Variants in SERPINB3 observed in about 807,000 individuals in gnomAD.
SERPINB3 encodes the protein serpin B3.
Under a neutral mutation model 33.0 loss-of-function variants are expected in SERPINB3, and 33 were observed. The ratio of observed to expected loss-of-function variants is 1.00; its 90% CI spans 0.76 to 1.34. The LOEUF (loss-of-function observed/expected upper bound fraction) is 1.34, where lower values mean the gene tolerates loss of function less well. Ranked by LOEUF, SERPINB3 falls within the 40% of genes most tolerant of loss-of-function variation. SERPINB3 has a pLI of 0.00. For missense variants in SERPINB3, 518 were observed against 461.5 expected (o/e 1.12, Z -1.12); for synonymous variants, 200 against 170.9 (o/e 1.17, Z -1.33).
Position 63,657,308 on chromosome 18 carries a change from T to A in SERPINB3, c.574A>T (p.Lys192Ter), listed in dbSNP as rs559784597. ...FKGQWEKKFN[K>*]EDTKEEKFWP... ...AATTTTTCCTCTTTAGTATCTTCTT[T>A]ATTAAATTTCTTCTCCCACTGCCCT... Residue 192 changes from lysine (K) to a stop codon, truncating the protein, a stop_gained, in exon 6 of 8, where the codon AAA becomes TAA. Coordinates refer to ENST00000283752, the MANE Select transcript of SERPINB3 (RefSeq NM_006919.3). LOFTEE classifies it high-confidence loss of function. 1.3e-5 allele frequency: 21 copies of A among 1,605,568 alleles called. No homozygotes were observed. Among genetic ancestry groups the A allele is most frequent in the Middle Eastern group, 1.7e-4 (1 of 6,020 alleles).
In SERPINB3 at chr18:63,657,391, G is replaced by A. The variant is rs1158410137; in HGVS notation, c.491C>T (p.Pro164Leu). The change falls in exon 6 of 8, where the codon CCT (proline) becomes CTT (leucine). Residue 164 changes from proline (P) to leucine (L), a missense_variant. By Grantham distance (98) the Pro-to-Leu change is moderately conservative (BLOSUM62 -3). Transcript: ENST00000283752. ...QTNEKIKNLI[P>L]EGNIGSNTTL... is the part of the protein sequence containing the mutation. ...GGTATTGCTGCCAATATTACCTTCA[G>A]GAATTAGGTTTTTAATTTTTTCTGC... 1.2e-6 allele frequency: 2 copies of A among 1,601,902 alleles called. No individual in the cohort carries two copies. The highest frequency in any genetic ancestry group is 2.2e-5 in the East Asian group (1 of 44,702).
intron 2 of SERPINB3, 69 bp downstream of exon 2, chr18:63,660,983 C>G (rs1410320930): frequency 1.5e-5 from 24 of 1,609,332 alleles, no homozygotes; most frequent in Non-Finnish European, 2.0e-5. Context: ...CATCTATTAC[C>G]ATCTGCGTGC....
At position 63,655,451 on chromosome 18, in the gene SERPINB3, A is replaced by G. The variant is rs750220495; in HGVS notation, c.*206T>C. The G allele has an allele frequency of 1.9e-6, 1 of 533,538 alleles. No homozygotes were observed. Among genetic ancestry groups the G allele is most frequent in the African/African-American group, 1.9e-5 (1 of 52,722 alleles). 33.1% of individuals were successfully genotyped at this position (533,538 alleles called of 1,614,324 possible). A position where few individuals can be genotyped will look rare whatever the true frequency, so the allele number is the denominator to read the frequency against. ...TTTCCTCAAGGAGAATTTTTCTGGAAGAAAAAGTACATTTATATGTGGGCT... is the reference window on the plus strand; with the variant it reads ...TTTCCTCAAGGAGAATTTTTCTGGAGGAAAAAGTACATTTATATGTGGGCT... On this transcript the variant is annotated 3_prime_UTR_variant, in exon 8 of 8. Transcript: ENST00000283752.
chr18:63,661,023 C>A (rs1006070461), intron 2 of SERPINB3, 29 bp downstream of exon 2: 44 of 1,612,664 alleles, frequency 2.7e-5, no homozygotes, highest in Non-Finnish European at 3.5e-5. Flanking sequence ...AAAACTGCAA[C>A]AGGACAACAT....
At chr18:63,656,265 A>T (rs1427875634) in intron 7 of SERPINB3, among the ~76,000 whole-genome samples, 1 of 141,854 alleles carries the variant, frequency 7.0e-6, no homozygotes, top group Admixed American at 6.7e-5. Context: ...TATGTGTATA[A>T]ACAGAATCAA....
intron 7 of SERPINB3, 113 bp downstream of exon 7, chr18:63,656,718 A>C (rs187975415): frequency 6.5e-4 from 843 of 1,289,346 alleles, no homozygotes; most frequent in Non-Finnish European, 7.8e-4. Context: ...CCTCATTTAG[A>C]ATTTTTCATT....
At chr18:63,656,333 TA>T (rs1219595864) in intron 7 of SERPINB3, among the ~76,000 whole-genome samples, 4 of 152,340 alleles carry the variant, frequency 2.6e-5, no homozygotes, top group African/African-American at 9.6e-5. Flanking sequence ...GATACACATG[TA>T]AAAATATGAT....
chr18:63,658,003 C>G (rs976178082), intron 5 of SERPINB3, among the ~76,000 whole-genome samples: 10 of 152,000 alleles, frequency 6.6e-5, no homozygotes, highest in African/African-American at 1.4e-4. Context: ...ATTTGTTAAG[C>G]TCTTGCCCTT....
In SERPINB3 at chr18:63,659,425, C is replaced by T. The variant is rs371529315; in HGVS notation, c.325G>A (p.Gly109Arg). The T allele has an allele frequency of 2.5e-5, 40 of 1,613,326 alleles. No individual in the cohort carries two copies. The Admixed American group carries it at 2.5e-4, about 10-fold the overall frequency. The change falls in exon 4 of 8, where the codon GGA (glycine) becomes AGA (arginine). Residue 109 changes from glycine to arginine, a missense_variant. Transcript: ENST00000283752. Reference sequence around the variant, plus strand: ...TGTAAAAATAGATACGTTTTTTCTCCGAAGAGCTTGTTGGCGATCTTCAGC... The same window carrying T: ...TGTAAAAATAGATACGTTTTTTCTCTGAAGAGCTTGTTGGCGATCTTCAGC... ...YELKIANKLF[G>R]EKTYLFLQEY... is the part of the protein sequence containing the mutation.
At position 63,660,856 on chromosome 18, in the gene SERPINB3, C is replaced by A. The variant is rs773509000; in HGVS notation, c.166G>T (p.Val56Phe). 2 of 1,613,162 alleles carry A rather than the reference C, an allele frequency of 1.2e-6. No individual in the cohort carries two copies. The highest frequency in any genetic ancestry group is 2.2e-5 in the East Asian group (1 of 44,814). ...TCTGTGACTTGATCAAAGTGAAGAA[C>A]CTGGAAGAGACATGAAGCGGGACAA... ...KDNTAQQIKK[V>F]LHFDQVTENT... The change falls in exon 3 of 8, where the codon GTT (valine) becomes TTT (phenylalanine). Residue 56 changes from valine to phenylalanine, a missense_variant and splice_region_variant. Transcript: ENST00000283752.
chr18:63,660,491 G>C (rs1363891792), intron 3 of SERPINB3, among the ~76,000 whole-genome samples: 1 of 152,050 alleles, frequency 6.6e-6, no homozygotes, highest in Non-Finnish European at 1.5e-5. Flanking sequence ...CTGGGATGAG[G>C]TCACTGGGAC....
At chr18:63,658,455 A>T (rs1238936424) in intron 5 of SERPINB3, 58 bp downstream of exon 5, 5 of 1,458,288 alleles carry the variant, frequency 3.4e-6, no homozygotes, top group Admixed American at 3.4e-5. Context: ...AGTTTCAGGC[A>T]TAGGGCTCAC....
intron 3 of SERPINB3, among the ~76,000 whole-genome samples, chr18:63,659,907 G>C (rs915115696): frequency 5.3e-5 from 8 of 152,130 alleles, no homozygotes; most frequent in Admixed American, 2.6e-4. Flanking sequence ...GTATGTTGAA[G>C]GTTGGATATT....
chr18:63,656,257 T>A (rs1478450246), intron 7 of SERPINB3, among the ~76,000 whole-genome samples, 196 bp from the exon 8 acceptor site: 2 of 150,866 alleles, frequency 1.3e-5, no homozygotes, highest in Non-Finnish European at 2.9e-5. Flanking sequence ...TATATGTGTA[T>A]GTGTATAAAC....
At chr18:63,657,662 C>G (rs1222512664) in intron 5 of SERPINB3, among the ~76,000 whole-genome samples, 1 of 152,018 alleles carries the variant, frequency 6.6e-6, no homozygotes, top group Non-Finnish European at 1.5e-5. Context: ...AAGGAGTTCA[C>G]GTTCTCTGTG....
At position 63,655,674 on chromosome 18, in the gene SERPINB3, T is replaced by C; in HGVS notation, c.1156A>G (p.Arg386Gly). The change falls in exon 8 of 8, where the codon AGA (arginine) becomes GGA (glycine). Residue 386 changes from arginine (R) to glycine (G), a missense_variant. Transcript: ENST00000283752. ...AATTGCATCTACGGGGATGAGAATC[T>C]GCCATAGAAGAGGATGCTGTTGGTC... is the stretch of plus-strand genomic sequence containing the variant. ...NKTNSILFYGRFSSP is the reference protein window; with the variant it reads ...NKTNSILFYGGFSSP 1 of 1,608,840 alleles carries C rather than the reference T, an allele frequency of 6.2e-7. No homozygotes were observed. Among genetic ancestry groups the C allele is most frequent in the Non-Finnish European group, 8.5e-7 (1 of 1,176,474 alleles).
Position 63,655,837 on chromosome 18 carries a change from C to G in SERPINB3, c.993G>C (p.Lys331Asn), listed in dbSNP as rs778382802. Residue 331 changes from lysine to asparagine, a missense_variant, in exon 8 of 8, where the codon AAG becomes AAC. By Grantham distance (94) the Lys-to-Asn change is moderately conservative. Coordinates refer to ENST00000283752, the MANE Select transcript of SERPINB3 (RefSeq NM_006919.3). The part of the protein sequence containing the change: ...RGLVLSGVLH[K>N]AFVEVTEEGA... ...CCTCCTCTGTAACCTCCACAAAGGC[C>G]TTGTGTAGGACTCCAGATAGCACGA... is the stretch of plus-strand genomic sequence containing the variant. 6.2e-7 allele frequency: 1 copy of G among 1,613,846 alleles called. No homozygotes were observed. The highest frequency in any genetic ancestry group is 1.3e-5 in the African/African-American group (1 of 74,896).
chr18:63,656,750 C>T, intron 7 of SERPINB3, 81 bp downstream of exon 7: 1 of 1,452,734 alleles, frequency 6.9e-7, no homozygotes, highest in Admixed American at 2.2e-5. Flanking sequence ...ACTCGGTCAC[C>T]AGCTTTTACC....
intron 7 of SERPINB3, among the ~76,000 whole-genome samples, chr18:63,656,277 T>C (rs1913493660): frequency 6.9e-6 from 1 of 145,652 alleles, no homozygotes; most frequent in African/African-American, 2.8e-5. Flanking sequence ...CAGAATCAAG[T>C]TTTTATGTAT....
Sources: gnomAD v4.1 joint callset for allele counts (sites outside exome capture counted in the v4.1 genomes callset) on GRCh38, gnomAD v4.1.1 for gene constraint, MANE v1.5 for transcripts, NCBI Gene and HGNC (gene_info 2026-07-23, HGNC 2026-07-21) for gene names.